SLX9: variants seen among roughly 807,000 people sequenced by gnomAD.
SLX9 encodes the protein ribosome biogenesis protein SLX9 homolog.
In SLX9, 19 loss-of-function variants were observed where a neutral mutation model predicts 20.8. The ratio of observed to expected loss-of-function variants is 0.91; its 90% CI spans 0.64 to 1.34. The LOEUF (loss-of-function observed/expected upper bound fraction) is 1.34, where lower values mean the gene tolerates loss of function less well. Among genes scored for constraint, SLX9 ranks in the 40% most tolerant of loss-of-function variants. The pLI is 0.00. For missense variants in SLX9, 299 were observed against 322.2 expected (o/e 0.93, Z 0.55); for synonymous variants, 113 against 137.1 (o/e 0.82, Z 1.23).
At chr21:44,968,125 T>G (rs1288370761) in intron 4 of SLX9, among the ~76,000 whole-genome samples, 1 of 150,752 alleles carries the variant, frequency 6.6e-6, no homozygotes, top group Non-Finnish European at 1.5e-5. Context: ...CAAGGCCTGG[T>G]CCCGAGCATG....
At chr21:44,946,166 A>T (rs757570678) in intron 2 of SLX9, among the ~76,000 whole-genome samples, 3 of 152,284 alleles carry the variant, frequency 2.0e-5, no homozygotes, top group African/African-American at 4.8e-5. Context: ...AGAGCATAGA[A>T]GTGTTTTCTT....
intron 2 of SLX9, among the ~76,000 whole-genome samples, chr21:44,957,555 C>A (rs867352031): frequency 2.6e-5 from 4 of 152,226 alleles, no homozygotes; most frequent in Admixed American, 6.5e-5. Context: ...CCACCGGGTC[C>A]CAGGACCCAG....
chr21:44,961,802 C>G (rs2084953272), intron 3 of SLX9, among the ~76,000 whole-genome samples: 1 of 152,060 alleles, frequency 6.6e-6, no homozygotes, highest in Non-Finnish European at 1.5e-5. Context: ...TTATTTTGAT[C>G]ACTCCCGTTT....
At chr21:44,969,192 G>C (rs563479651) in intron 4 of SLX9, 2 of 470,364 alleles carry the variant, frequency 4.3e-6, no homozygotes, top group Admixed American at 4.7e-5. Context: ...GGCAGGTCAC[G>C]CGCTGCAGGC....
intron 5 of SLX9, among the ~76,000 whole-genome samples, chr21:44,976,129 C>T (rs2085257120): frequency 6.6e-6 from 1 of 152,240 alleles, no homozygotes; most frequent in Admixed American, 6.5e-5. Flanking sequence ...CTCTGGCGTG[C>T]GGCTGGCTGC....
intron 2 of SLX9, among the ~76,000 whole-genome samples, chr21:44,951,024 C>A (rs895261506): frequency 6.6e-6 from 1 of 152,100 alleles, no homozygotes; most frequent in Admixed American, 6.5e-5. Flanking sequence ...GTGTCGTGGG[C>A]ACAGTGCAGC....
In SLX9 at chr21:44,959,511, A is replaced by G. The variant is rs568801742; in HGVS notation, c.284-589A>G. ...AGCCTCCTTTCCCCGCCCACCGGGC[A>G]GGTGGCTGGGCTCCGCGTGGACCAA... is the stretch of plus-strand genomic sequence containing the variant. On this transcript the variant is annotated intron_variant, in intron 2 of 5. Transcript: ENST00000291634. Among the ~76,000 whole-genome samples the G allele has an allele frequency of 2.6e-5, 4 of 152,256 alleles. No homozygotes were observed. In the East Asian group the frequency reaches 7.7e-4, roughly 29 times the overall value.
At chr21:44,940,646 A>T (rs1310778666) in intron 1 of SLX9, among the ~76,000 whole-genome samples, 1 of 149,418 alleles carries the variant, frequency 6.7e-6, no homozygotes, top group Non-Finnish European at 1.5e-5. Flanking sequence ...TAGACACTGC[A>T]TGTGAGTGGA....
Position 44,940,206 on chromosome 21 carries a change from G to A in SLX9, c.129+20G>A, listed in dbSNP as rs2084513723. 1.6e-6 allele frequency: 2 copies of A among 1,223,220 alleles called. No individual in the cohort carries two copies. Among genetic ancestry groups the A allele is most frequent in the African/African-American group, 1.6e-5 (1 of 63,508 alleles). The allele number at this position is 1,223,220 out of a possible 1,614,324, so 75.8% of individuals were successfully genotyped here. A position where few individuals can be genotyped will look rare whatever the true frequency, so the allele number is the denominator to read the frequency against. On this transcript the variant is annotated intron_variant, in intron 1 of 5. Transcript: ENST00000291634. ...GGGAAGGTGAGCTGGGGAGGCGCTG[G>A]CCGGGGGCTGCCGCGTGGGTCCGAG...
intron 3 of SLX9, among the ~76,000 whole-genome samples, chr21:44,960,641 G>A (rs73906979): frequency 0.054 from 8,264 of 152,350 alleles, 720 homozygotes; most frequent in African/African-American, 0.19. Context: ...TGAAAACAGT[G>A]TCTGCGCATA....
chr21:44,947,325 C>T (rs1417288542), intron 2 of SLX9, among the ~76,000 whole-genome samples: 1 of 152,226 alleles, frequency 6.6e-6, no homozygotes, highest in African/African-American at 2.4e-5. Context: ...ACCGCCTTCC[C>T]AAGATGTGTC....
At chr21:44,960,654 G>A (rs1379692045) in intron 3 of SLX9, among the ~76,000 whole-genome samples, 2 of 152,236 alleles carry the variant, frequency 1.3e-5, no homozygotes, top group African/African-American at 4.8e-5. Context: ...TGCGCATAGC[G>A]GCGTGGGTGT....
At chr21:44,950,208 G>T (rs1451330161) in intron 2 of SLX9, among the ~76,000 whole-genome samples, 2 of 150,802 alleles carry the variant, frequency 1.3e-5, no homozygotes, top group Non-Finnish European at 2.9e-5. Context: ...AACAGAATGA[G>T]CTCATTTTCT....
At chr21:44,956,479 C>T (rs1216345740) in intron 2 of SLX9, among the ~76,000 whole-genome samples, 4 of 152,310 alleles carry the variant, frequency 2.6e-5, no homozygotes, top group Non-Finnish European at 1.5e-5. Flanking sequence ...CTCGGCACCA[C>T]GAGATGCTGC....
At chr21:44,972,492 C>T (rs775120408) in intron 4 of SLX9, among the ~76,000 whole-genome samples, 1 of 152,196 alleles carries the variant, frequency 6.6e-6, no homozygotes, top group Non-Finnish European at 1.5e-5. Flanking sequence ...AGGAAATAGC[C>T]AGCAGCACTC....
chr21:44,944,314 C>G (rs989635410), intron 2 of SLX9, among the ~76,000 whole-genome samples: 2 of 152,222 alleles, frequency 1.3e-5, no homozygotes, highest in Admixed American at 1.3e-4. Context: ...CATGCGCAGC[C>G]CTTCCCGTCT....
At chr21:44,955,173 G>A (rs1390997899) in intron 2 of SLX9, among the ~76,000 whole-genome samples, 1 of 149,656 alleles carries the variant, frequency 6.7e-6, no homozygotes, top group African/African-American at 2.5e-5. Context: ...GTGCCACTGC[G>A]CTCCAGCCTG....
At chr21:44,958,982 A>G (rs530520512) in intron 2 of SLX9, among the ~76,000 whole-genome samples, 1 of 152,276 alleles carries the variant, frequency 6.6e-6, no homozygotes, top group East Asian at 1.9e-4. Flanking sequence ...AACAATTTCA[A>G]AACTACAGAA....
At chr21:44,966,766 G>A (rs553360169) in intron 3 of SLX9, among the ~76,000 whole-genome samples, 33 of 152,362 alleles carry the variant, frequency 2.2e-4, no homozygotes, top group Admixed American at 5.9e-4. Context: ...AGTTGCCAGC[G>A]TCCCTTTGCA....
Sources: gnomAD v4.1 joint callset for allele counts (sites outside exome capture counted in the v4.1 genomes callset) on GRCh38, gnomAD v4.1.1 for gene constraint, MANE v1.5 for transcripts, NCBI Gene and HGNC (gene_info 2026-07-23, HGNC 2026-07-21) for gene names.